The following PCDH11X variants were observed in gnomAD, a reference collection of about 807,000 sequenced individuals.
The protein encoded by PCDH11X is protocadherin 11 X-linked.
Under a neutral mutation model 53.3 loss-of-function variants are expected in PCDH11X, and 18 were observed. The ratio of observed to expected loss-of-function variants is 0.34; its 90% CI spans 0.23 to 0.50. The LOEUF is 0.50. Ranked by LOEUF, PCDH11X falls within the 20% of genes least tolerant of loss-of-function variation. The pLI is 0.98. For missense variants in PCDH11X, 570 were observed against 1,032.4 expected (o/e 0.55, Z 6.14); for synonymous variants, 279 against 393.3 (o/e 0.71, Z 3.44).
intron 6 of PCDH11X, among the ~76,000 whole-genome samples, chrX:91,998,542 T>C (rs2062456957): frequency 1.8e-5 from 2 of 110,823 alleles, no homozygotes; most frequent in Non-Finnish European, 3.8e-5. Context: ...TATTTGACTC[T>C]ATCAATCATC....
At chrX:91,933,941 T>G (rs2061416322) in intron 6 of PCDH11X, among the ~76,000 whole-genome samples, 1 of 109,849 alleles carries the variant, frequency 9.1e-6, no homozygotes, top group African/African-American at 3.3e-5. Context: ...AATGGAGACA[T>G]TCTTAATGGC....
At chrX:92,136,520 G>C (rs2065086241) in intron 6 of PCDH11X, among the ~76,000 whole-genome samples, 1 of 107,131 alleles carries the variant, frequency 9.3e-6, no homozygotes, top group East Asian at 3.0e-4. Context: ...AAATCTTGTT[G>C]AATTCAAATT....
At chrX:91,960,811 A>C (rs1053451800) in intron 6 of PCDH11X, among the ~76,000 whole-genome samples, 1 of 111,203 alleles carries the variant, frequency 9.0e-6, no homozygotes, top group African/African-American at 3.3e-5. Flanking sequence ...GGGTCTTGCT[A>C]TCCAGTTTCC....
chrX:91,785,597 T>A (rs1262548728), intron 1 of PCDH11X, among the ~76,000 whole-genome samples: 1 of 112,102 alleles, frequency 8.9e-6, no homozygotes, highest in Non-Finnish European at 1.9e-5. Context: ...AAAAATAAAA[T>A]ACTTTGGAAC....
At chrX:92,263,054 G>A (rs1229459657) in intron 7 of PCDH11X, 60 bp from the exon 8 acceptor site, 13 of 1,126,189 alleles carry the variant, frequency 1.2e-5, no homozygotes, top group Non-Finnish European at 1.5e-5. Context: ...AATTTGAGCT[G>A]ATTTTTGTTT....
intron 7 of PCDH11X, among the ~76,000 whole-genome samples, chrX:92,251,788 G>A (rs990611883): frequency 9.0e-6 from 1 of 110,681 alleles, no homozygotes; most frequent in East Asian, 2.8e-4. Flanking sequence ...TCATCAATAA[G>A]GGTAGTTAAT....
At chrX:92,411,987 A>T (rs1603304313) in intron 9 of PCDH11X, among the ~76,000 whole-genome samples, 1 of 38,778 alleles carries the variant, frequency 2.6e-5, no homozygotes, top group Non-Finnish European at 4.9e-5. Flanking sequence ...GAAGAAGAAG[A>T]AGGGGAGGAG....
At chrX:92,504,719 C>T (rs1335862850) in intron 10 of PCDH11X, among the ~76,000 whole-genome samples, 1 of 112,231 alleles carries the variant, frequency 8.9e-6, no homozygotes, top group Non-Finnish European at 1.9e-5. Context: ...TGGGAAATCA[C>T]CAAACTGCTT....
chrX:91,997,925 T>A (rs2062446654), intron 6 of PCDH11X, among the ~76,000 whole-genome samples: 2 of 107,970 alleles, frequency 1.9e-5, no homozygotes, highest in Admixed American at 1.0e-4. Context: ...ATTTCCTATT[T>A]CTTTTCTCGT....
intron 5 of PCDH11X, among the ~76,000 whole-genome samples, chrX:91,863,463 T>C (rs1480650806): frequency 8.9e-6 from 1 of 112,093 alleles, no homozygotes; most frequent in Non-Finnish European, 1.9e-5. Flanking sequence ...TCTTTTTCTC[T>C]TTTTCATTTT....
chrX:92,085,787 A>G (rs16988375), intron 6 of PCDH11X, among the ~76,000 whole-genome samples: 10,791 of 110,955 alleles, frequency 0.097, 1,352 homozygotes, highest in African/African-American at 0.34. Context: ...TGGGTTTAAT[A>G]CACTTACATC....
Position 92,621,544 on chromosome X carries a change from G to A in PCDH11X, c.*2604G>A, listed in dbSNP as rs1000745285. The A allele has an allele frequency of 9.1e-6, 1 of 110,334 alleles. No individual in the cohort carries two copies. Among genetic ancestry groups the A allele is most frequent in the Non-Finnish European group, 1.9e-5 (1 of 52,809 alleles). The allele number at this position is 110,334 out of a possible 1,213,427, so 9.1% of individuals were successfully genotyped here. ...GCTGAGAGTAGCCAAAGAGGCAAGG[G>A]GTATTAGCCCAGTTATTCTCCCCTA... On this transcript the variant is annotated 3_prime_UTR_variant, in exon 11 of 11. Coordinates refer to ENST00000682573, the MANE Select transcript of PCDH11X (RefSeq NM_032968.5).
chrX:92,590,400 C>A (rs747055064), intron 10 of PCDH11X, among the ~76,000 whole-genome samples: 43 of 111,321 alleles, frequency 3.9e-4, no homozygotes, highest in Admixed American at 3.1e-3. Context: ...TTAGTCCCCC[C>A]ACCAGAATGA....
chrX:91,919,328 T>G (rs1338780342), intron 6 of PCDH11X, among the ~76,000 whole-genome samples: 4 of 111,769 alleles, frequency 3.6e-5, no homozygotes, highest in Admixed American at 9.5e-5. Context: ...TAAATTAAAT[T>G]TTAAGTCTCA....
intron 9 of PCDH11X, among the ~76,000 whole-genome samples, chrX:92,459,008 G>C (rs773566183): frequency 5.4e-5 from 6 of 110,842 alleles, no homozygotes; most frequent in African/African-American, 2.0e-4. Flanking sequence ...GCGTAGGAGC[G>C]TTCCCTTTTA....
intron 8 of PCDH11X, among the ~76,000 whole-genome samples, chrX:92,279,827 T>C (rs759699361): frequency 8.9e-6 from 1 of 112,271 alleles, no homozygotes; most frequent in South Asian, 3.6e-4. Flanking sequence ...GCAGATCTTA[T>C]AGATTTAGGA....
At chrX:92,240,493 G>A in intron 7 of PCDH11X, among the ~76,000 whole-genome samples, 1 of 111,357 alleles carries the variant, frequency 9.0e-6, no homozygotes, top group Non-Finnish European at 1.9e-5. Flanking sequence ...TATCACAAGG[G>A]TAATGTCTCA....
chrX:92,472,170 T>A (rs1360959756), intron 10 of PCDH11X, among the ~76,000 whole-genome samples: 1 of 110,022 alleles, frequency 9.1e-6, no homozygotes, highest in Non-Finnish European at 1.9e-5. Flanking sequence ...TTTATGAAAC[T>A]TTTGCCAGCG....
chrX:92,280,755 T>G (rs1176924750), intron 8 of PCDH11X, among the ~76,000 whole-genome samples: 2 of 109,395 alleles, frequency 1.8e-5, no homozygotes, highest in Non-Finnish European at 3.8e-5. Context: ...AACAAATCCT[T>G]TGAAGCATAA....
Sources: allele counts gnomAD v4.1 joint callset (sites outside exome capture counted in the v4.1 genomes callset), GRCh38; gene constraint gnomAD v4.1.1; transcripts MANE v1.5; gene names NCBI Gene and HGNC (gene_info 2026-07-23, HGNC 2026-07-21).